The following THNSL1 variants were observed in gnomAD, a reference collection of about 807,000 sequenced individuals.
THNSL1 encodes the protein threonine synthase like 1.
Under a neutral mutation model 50.4 loss-of-function variants are expected in THNSL1, and 48 were observed. The ratio of observed to expected loss-of-function variants is 0.95; its 90% CI spans 0.76 to 1.21. The LOEUF is 1.21. Ranked by LOEUF, THNSL1 falls within the 50% of genes most tolerant of loss-of-function variation. THNSL1 has a pLI of 0.00. For missense variants in THNSL1, 896 were observed against 871.7 expected (o/e 1.03, Z -0.35); for synonymous variants, 309 against 306.1 (o/e 1.01, Z -0.10).
chr10:24,985,713 T>A, the THNSL1 span, among the ~76,000 whole-genome samples: 1 of 152,260 alleles, frequency 6.6e-6, no homozygotes, highest in Non-Finnish European at 1.5e-5. Flanking sequence ...GGTCTTAAAC[T>A]AGTAATTAAA....
At chr10:24,974,782 A>C in the THNSL1 span, among the ~76,000 whole-genome samples, 1 of 152,232 alleles carries the variant, frequency 6.6e-6, no homozygotes, top group Admixed American at 6.5e-5. Context: ...CAGGATTTAC[A>C]ACTGCATTTT....
chr10:24,952,694 G>A, the THNSL1 span: 1 of 878,102 alleles, frequency 1.1e-6, no homozygotes, highest in South Asian at 1.6e-5. This position sits in a 1 kb window ranked among gnomAD's most constrained non-coding sequence, Gnocchi z 5.1. Flanking sequence ...ACGGGGACGG[G>A]GACGGGTCCG....
At chr10:24,966,289 A>G in the THNSL1 span, among the ~76,000 whole-genome samples, 6 of 152,254 alleles carry the variant, frequency 3.9e-5, no homozygotes, top group Non-Finnish European at 8.8e-5. Context: ...GTGTGCAAAG[A>G]AAGGCCCTAA....
the THNSL1 span, among the ~76,000 whole-genome samples, chr10:24,962,286 A>T: frequency 1.3e-5 from 2 of 152,218 alleles, no homozygotes; most frequent in African/African-American, 4.8e-5. Flanking sequence ...CTGTCTAGTT[A>T]GTATAAATAG....
the THNSL1 span, among the ~76,000 whole-genome samples, chr10:25,007,200 T>C: frequency 6.6e-6 from 1 of 152,178 alleles, no homozygotes; most frequent in Non-Finnish European, 1.5e-5. Flanking sequence ...ATACAATATA[T>C]TGTTAGTATT....
the THNSL1 span, among the ~76,000 whole-genome samples, chr10:24,969,529 A>G: frequency 5.3e-5 from 8 of 152,308 alleles, no homozygotes; most frequent in Admixed American, 3.3e-4. Flanking sequence ...CTTTAATAAG[A>G]TTGTAAGATA....
the THNSL1 span, among the ~76,000 whole-genome samples, chr10:24,980,990 G>A: frequency 6.6e-6 from 1 of 152,200 alleles, no homozygotes; most frequent in African/African-American, 2.4e-5. Flanking sequence ...CAAAGTCTGG[G>A]ATTACAGGCG....
rs1850760726 is a variant in THNSL1, at chr10:25,023,264, C to G, written c.41C>G (p.Thr14Arg). 2 of 1,613,538 alleles carry G rather than the reference C, an allele frequency of 1.2e-6. No individual in the cohort carries two copies. Among genetic ancestry groups the G allele is most frequent in the African/African-American group, 2.7e-5 (2 of 74,914 alleles). Residue 14 changes from threonine to arginine, a missense_variant, in exon 3 of 3, where the codon ACA becomes AGA. Transcript: ENST00000376356. ...CGATGTCATCATCTGAAAAAGATAA[C>G]ACAGAAATGTTTTTCTAGTATACAT... ...FNRCHHLKKI[T>R]QKCFSSIHVK...
chr10:25,024,639 CTG>C lies in THNSL1; in HGVS notation c.1417_1418del (p.Trp473GlyfsTer16). 1 of 1,614,212 alleles carries C rather than the reference CTG, an allele frequency of 6.2e-7. No individual in the cohort carries two copies. Among genetic ancestry groups the C allele is most frequent in the Non-Finnish European group, 8.5e-7 (1 of 1,180,046 alleles). On this transcript the variant is annotated frameshift_variant, in exon 3 of 3. Coordinates refer to ENST00000376356, the MANE Select transcript of THNSL1 (RefSeq NM_024838.5). LOFTEE classifies it high-confidence loss of function. The stretch of plus-strand genomic sequence containing the variant: ...TCTTAAGTTCGGCTAACTCCATAAA[CTG>C]GGGCCGACTACTTCCGCAGGTAGTT... ...TILSSANSIN[W>X]GRLLPQVVYH... is the part of the protein sequence containing the mutation.
chr10:24,956,025 C>G, the THNSL1 span, among the ~76,000 whole-genome samples: 6 of 152,020 alleles, frequency 3.9e-5, no homozygotes, highest in East Asian at 1.2e-3. Context: ...CAGGGATAGT[C>G]TAGAGCTGGT....
rs1342682984 is a variant in THNSL1 at position 25,023,177 on chromosome 10, GC to G, written c.-46del. Reference sequence around the variant, plus strand: ...TTGTTTGTTTTGTGTTTTGAAAAGGGCTAAAGCCAATTTTTAGGTTGGCTTG... The same window carrying G: ...TTGTTTGTTTTGTGTTTTGAAAAGGGTAAAGCCAATTTTTAGGTTGGCTTG... On this transcript the variant is annotated splice_region_variant and 5_prime_UTR_variant, in exon 3 of 3. Coordinates refer to ENST00000376356, the MANE Select transcript of THNSL1 (RefSeq NM_024838.5). 6.4e-7 allele frequency: 1 copy of G among 1,558,714 alleles called. No homozygotes were observed. Among genetic ancestry groups the G allele is most frequent in the African/African-American group, 1.4e-5 (1 of 72,800 alleles).
At chr10:24,998,135 C>CCCTT in the THNSL1 span, among the ~76,000 whole-genome samples, 2 of 152,036 alleles carry the variant, frequency 1.3e-5, no homozygotes, top group Non-Finnish European at 1.5e-5. Context: ...GATTTGGGGA[C>CCCTT]ATTAAATACT....
chr10:24,952,595 G>A, the THNSL1 span: 1 of 1,566,020 alleles, frequency 6.4e-7, no homozygotes, highest in Non-Finnish European at 8.6e-7. This position sits in a 1 kb window ranked among gnomAD's most constrained non-coding sequence, Gnocchi z 5.1. Context: ...GGGGAACGCG[G>A]GAAGGGAAGA....
the THNSL1 span, chr10:24,983,755 G>A: frequency 4.8e-4 from 73 of 152,234 alleles, no homozygotes; most frequent in African/African-American, 1.7e-3. Flanking sequence ...AAAAACCAGT[G>A]TAAGCAGTAG....
chr10:24,956,469 T>A, the THNSL1 span, among the ~76,000 whole-genome samples: 1,212 of 150,522 alleles, frequency 8.1e-3, 20 homozygotes, highest in African/African-American at 0.024. Context: ...TTATTTATTT[T>A]TTTTTTTTGG....
At chr10:25,013,374 G>A (rs1421694172), upstream of THNSL1, among the ~76,000 whole-genome samples, 1 of 152,222 alleles carries the variant, frequency 6.6e-6, no homozygotes, top group Non-Finnish European at 1.5e-5. Flanking sequence ...ATAGATTAAT[G>A]AGTTGAGATA....
At chr10:25,021,439 A>G (rs1022919121) in intron 1 of THNSL1, among the ~76,000 whole-genome samples, 2 of 152,158 alleles carry the variant, frequency 1.3e-5, no homozygotes, top group African/African-American at 4.8e-5. Context: ...ATACAGCCAA[A>G]TCATTAAAAT....
chr10:24,982,151 T>A, the THNSL1 span: 1 of 152,156 alleles, frequency 6.6e-6, no homozygotes, highest in Non-Finnish European at 1.5e-5. Context: ...ATATGCACAA[T>A]ACAATATGAC....
the THNSL1 span, among the ~76,000 whole-genome samples, chr10:25,010,351 G>A: frequency 6.6e-6 from 1 of 152,126 alleles, no homozygotes; most frequent in Non-Finnish European, 1.5e-5. Context: ...AAATTTCTAA[G>A]CGGCAAAACA....
Sources: allele counts gnomAD v4.1 joint callset (sites outside exome capture counted in the v4.1 genomes callset), GRCh38; gene constraint gnomAD v4.1.1; non-coding constraint Gnocchi (gnomAD v3.1); transcripts MANE v1.5; gene names NCBI Gene and HGNC (gene_info 2026-07-23, HGNC 2026-07-21).